The following RSPO3 variants were observed in gnomAD, a reference collection of about 807,000 sequenced individuals.
RSPO3 encodes the protein R-spondin-3.
In RSPO3, 17 loss-of-function variants were observed where a neutral mutation model predicts 36.5. The ratio of observed to expected loss-of-function variants is 0.47; its 90% CI spans 0.32 to 0.70. The LOEUF is 0.70. Among genes scored for constraint, RSPO3 ranks in the 30% least tolerant of loss-of-function variants. The pLI, the probability that RSPO3 is intolerant of heterozygous loss-of-function variation, is 0.04. For missense variants in RSPO3, 294 were observed against 322.5 expected (o/e 0.91, Z 0.68); for synonymous variants, 108 against 107.0 (o/e 1.01, Z -0.06).
chr6:127,159,226 C>T (rs539501199), intron 4 of RSPO3, among the ~76,000 whole-genome samples: 19 of 152,222 alleles, frequency 1.2e-4, no homozygotes, highest in African/African-American at 3.9e-4. Context: ...GTACCTTCCT[C>T]TAATTAACTA....
At chr6:127,195,126 T>C (rs1438335066) in intron 4 of RSPO3, among the ~76,000 whole-genome samples, 1 of 152,162 alleles carries the variant, frequency 6.6e-6, no homozygotes, top group South Asian at 2.1e-4. Context: ...CGAAAAAAAT[T>C]GAATACAACA....
At chr6:127,174,070 G>A (rs1191135809) in intron 4 of RSPO3, among the ~76,000 whole-genome samples, 1 of 149,126 alleles carries the variant, frequency 6.7e-6, no homozygotes, top group Non-Finnish European at 1.5e-5. Flanking sequence ...AGTTTAGTTG[G>A]GTTGTCAAAC....
Position 127,199,322 on chromosome 6 carries a change from T to C in RSPO3, c.*3315T>C, listed in dbSNP as rs1178360066. ...ATAAATGAATATCAATTAAAAGTTA[T>C]GACTAATTCCACAAGTCAAACATAT... On this transcript the variant is annotated 3_prime_UTR_variant, in exon 5 of 5. Coordinates refer to ENST00000356698, the MANE Select transcript of RSPO3 (RefSeq NM_032784.5). Among the ~76,000 whole-genome samples, 3 of 152,090 alleles carry C rather than the reference T, an allele frequency of 2.0e-5. No individual in the cohort carries two copies. The highest frequency in any genetic ancestry group is 7.3e-5 in the African/African-American group (3 of 41,350).
At chr6:127,194,426 T>C (rs1170572564) in intron 4 of RSPO3, among the ~76,000 whole-genome samples, 2 of 152,212 alleles carry the variant, frequency 1.3e-5, no homozygotes, top group Admixed American at 6.5e-5. Context: ...TACTGTAATA[T>C]TGATTTGAAT....
At position 127,197,268 on chromosome 6, in the gene RSPO3, C is replaced by G. The variant is rs1445405253; in HGVS notation, c.*1261C>G. ...ATTTATTCCATTTTCTTATTTTAATCAACATTCTAATTATAGACACATGGG... is the reference window on the plus strand; with the variant it reads ...ATTTATTCCATTTTCTTATTTTAATGAACATTCTAATTATAGACACATGGG... On this transcript the variant is annotated 3_prime_UTR_variant, in exon 5 of 5. Coordinates refer to ENST00000356698, the MANE Select transcript of RSPO3 (RefSeq NM_032784.5). 12 of 837,526 alleles carry G rather than the reference C, an allele frequency of 1.4e-5. No homozygotes were observed. Among genetic ancestry groups the G allele is most frequent in the Non-Finnish European group, 2.0e-5 (11 of 558,046 alleles). The allele number at this position is 837,526 out of a possible 1,614,324, so 51.9% of individuals were successfully genotyped here. A position where few individuals can be genotyped will look rare whatever the true frequency, so the allele number is the denominator to read the frequency against.
At chr6:127,142,086 GT>G (rs1179234130) in intron 1 of RSPO3, among the ~76,000 whole-genome samples, 2 of 152,064 alleles carry the variant, frequency 1.3e-5, no homozygotes, top group African/African-American at 4.8e-5. Context: ...TAAACATGTG[GT>G]TCTTTCAATA....
chr6:127,144,653 T>TTTTTTTTTTTTTTTTTTTG (rs1774346392), intron 1 of RSPO3, among the ~76,000 whole-genome samples: 1 of 145,368 alleles, frequency 6.9e-6, no homozygotes, highest in Non-Finnish European at 1.5e-5. Context: ...GTTTTTTTTT[T>TTTTTTTTTTTTTTTTTTTG]TTTCAGACAG....
intron 1 of RSPO3, among the ~76,000 whole-genome samples, chr6:127,144,618 T>C (rs1582793205): frequency 1.4e-5 from 2 of 147,126 alleles, no homozygotes; most frequent in South Asian, 4.4e-4. Context: ...CTTCTTTTTC[T>C]GTAATTTTTC....
chr6:127,180,186 G>A (rs904612941), intron 4 of RSPO3, among the ~76,000 whole-genome samples: 3 of 151,734 alleles, frequency 2.0e-5, no homozygotes, highest in Non-Finnish European at 4.4e-5. Context: ...AGAAGGAGAG[G>A]AACTTTCCAT....
chr6:127,157,064 G>A (rs1376383071), intron 4 of RSPO3, among the ~76,000 whole-genome samples: 3 of 152,110 alleles, frequency 2.0e-5, no homozygotes, highest in African/African-American at 7.2e-5. Context: ...TTAGTTTAAG[G>A]AATGAAAGCT....
At chr6:127,164,505 AT>A (rs1774774882) in intron 4 of RSPO3, among the ~76,000 whole-genome samples, 1 of 151,802 alleles carries the variant, frequency 6.6e-6, no homozygotes, top group South Asian at 2.1e-4. Context: ...TATTTTAACT[AT>A]TTTTTTCTAG....
intron 4 of RSPO3, among the ~76,000 whole-genome samples, chr6:127,179,693 GT>G: frequency 6.6e-6 from 1 of 151,848 alleles, no homozygotes; most frequent in East Asian, 1.9e-4. Flanking sequence ...GTTGACACAA[GT>G]TTTACCATGC....
chr6:127,172,349 C>T (rs1281845922), intron 4 of RSPO3, among the ~76,000 whole-genome samples: 2 of 151,474 alleles, frequency 1.3e-5, no homozygotes, highest in African/African-American at 4.8e-5. Context: ...TGCTGAGTTG[C>T]TTTAAATCCT....
At chr6:127,173,970 G>A (rs979154810) in intron 4 of RSPO3, among the ~76,000 whole-genome samples, 1 of 151,874 alleles carries the variant, frequency 6.6e-6, no homozygotes, top group African/African-American at 2.4e-5. Flanking sequence ...GTGCTCATTC[G>A]TGTGGGCGCA....
chr6:127,174,635 GAACTA>G (rs1775011805), intron 4 of RSPO3, among the ~76,000 whole-genome samples: 1 of 151,030 alleles, frequency 6.6e-6, no homozygotes, highest in Non-Finnish European at 1.5e-5. Context: ...CACTAGAATG[GAACTA>G]GTCTTACTCT....
At chr6:127,168,666 C>G (rs1369075157) in intron 4 of RSPO3, among the ~76,000 whole-genome samples, 2 of 151,896 alleles carry the variant, frequency 1.3e-5, no homozygotes, top group African/African-American at 2.4e-5. Context: ...GACATGAAGT[C>G]CTTGCCCATG....
intron 1 of RSPO3, among the ~76,000 whole-genome samples, chr6:127,146,572 T>C (rs1774388376): frequency 6.6e-6 from 1 of 152,146 alleles, no homozygotes; most frequent in African/African-American, 2.4e-5. Context: ...TAATAATTGA[T>C]ATATTTAAAA....
At chr6:127,131,042 A>G (rs1161687950) in intron 1 of RSPO3, among the ~76,000 whole-genome samples, 1 of 152,082 alleles carries the variant, frequency 6.6e-6, no homozygotes, top group Non-Finnish European at 1.5e-5. Context: ...GCACATTTCT[A>G]AGACATCCAG....
intron 4 of RSPO3, among the ~76,000 whole-genome samples, chr6:127,188,701 T>C (rs1775347369): frequency 6.6e-6 from 1 of 152,096 alleles, no homozygotes; most frequent in African/African-American, 2.4e-5. Context: ...TAGTGCTGAA[T>C]GGTGCTGACT....
Sources: allele counts gnomAD v4.1 joint callset (sites outside exome capture counted in the v4.1 genomes callset), GRCh38; gene constraint gnomAD v4.1.1; transcripts MANE v1.5; gene names NCBI Gene and HGNC (gene_info 2026-07-23, HGNC 2026-07-21).